Variants in PABPC4L observed in about 807,000 individuals in gnomAD.
PABPC4L encodes polyadenylate-binding protein 4-like.
For synonymous variants in PABPC4L, 169 were observed against 164.1 expected (o/e 1.03, Z -0.23); for missense variants, 452 against 451.4 (o/e 1.00, Z -0.01).
chr4:134,071,805 T>C, the PABPC4L span, among the ~76,000 whole-genome samples: 3 of 152,124 alleles, frequency 2.0e-5, no homozygotes, highest in African/African-American at 7.2e-5. Flanking sequence ...CTTGTAGAAA[T>C]TCTAAGCATT....
the PABPC4L span, among the ~76,000 whole-genome samples, chr4:133,965,318 G>C: frequency 6.6e-6 from 1 of 152,162 alleles, no homozygotes; most frequent in Middle Eastern, 3.4e-3. Context: ...AGAAATGAGA[G>C]ATGACACAAA....
the PABPC4L span, among the ~76,000 whole-genome samples, chr4:134,050,878 TTA>T: frequency 6.2e-5 from 4 of 64,554 alleles, no homozygotes; most frequent in Admixed American, 2.0e-4. Flanking sequence ...ATATTGACCT[TTA>T]TTTTTTTTTT....
the PABPC4L span, among the ~76,000 whole-genome samples, chr4:134,020,646 C>A: frequency 6.6e-6 from 1 of 151,978 alleles, no homozygotes; most frequent in Non-Finnish European, 1.5e-5. Context: ...TAAGTACTAG[C>A]CTACAACACC....
chr4:134,046,310 C>T, the PABPC4L span, among the ~76,000 whole-genome samples: 2 of 152,082 alleles, frequency 1.3e-5, no homozygotes, highest in Non-Finnish European at 2.9e-5. Flanking sequence ...TGGATGTGCA[C>T]GTAGGCCAGA....
the PABPC4L span, among the ~76,000 whole-genome samples, chr4:134,071,268 G>A: frequency 1.3e-5 from 2 of 151,898 alleles, no homozygotes; most frequent in Non-Finnish European, 2.9e-5. Context: ...CATCATCTGT[G>A]TCCTCCCTCT....
the PABPC4L span, among the ~76,000 whole-genome samples, chr4:134,133,664 C>T: frequency 8.8e-4 from 133 of 151,598 alleles, no homozygotes; most frequent in Non-Finnish European, 1.3e-3. Context: ...AAGAATGATA[C>T]AATGGACTTT....
At chr4:133,984,912 A>T in the PABPC4L span, among the ~76,000 whole-genome samples, 1 of 151,946 alleles carries the variant, frequency 6.6e-6, no homozygotes, top group Non-Finnish European at 1.5e-5. Context: ...TAGTAGTAGG[A>T]CTAACCCAGG....
the PABPC4L span, among the ~76,000 whole-genome samples, chr4:134,105,594 C>T: frequency 6.1e-4 from 93 of 151,594 alleles, no homozygotes; most frequent in Non-Finnish European, 1.2e-3. Flanking sequence ...AAATATTTAT[C>T]TAAGTTTTCT....
chr4:134,138,105 A>T, the PABPC4L span, among the ~76,000 whole-genome samples: 1 of 151,884 alleles, frequency 6.6e-6, no homozygotes, highest in South Asian at 2.1e-4. Flanking sequence ...GAAAATCTAC[A>T]TCTAAAACAG....
At chr4:133,995,669 CA>C in the PABPC4L span, among the ~76,000 whole-genome samples, 2 of 152,252 alleles carry the variant, frequency 1.3e-5, no homozygotes, top group Admixed American at 1.3e-4. Context: ...GACACTTGTG[CA>C]TAGGTTTGGG....
chr4:134,040,199 GA>G, the PABPC4L span, among the ~76,000 whole-genome samples: 1 of 116,320 alleles, frequency 8.6e-6, no homozygotes, highest in African/African-American at 3.2e-5. Context: ...TTTCATCACA[GA>G]ATTGGAAAAA....
chr4:134,135,037 G>A, the PABPC4L span, among the ~76,000 whole-genome samples: 2 of 151,976 alleles, frequency 1.3e-5, no homozygotes, highest in African/African-American at 2.4e-5. Context: ...GAGAACTAGC[G>A]AATTAATACA....
the PABPC4L span, among the ~76,000 whole-genome samples, chr4:134,113,595 G>T: frequency 6.6e-6 from 1 of 151,836 alleles, no homozygotes; most frequent in African/African-American, 2.4e-5. Context: ...GCCTAAAGTT[G>T]CATTTCTCAC....
At chr4:134,100,237 C>T in the PABPC4L span, among the ~76,000 whole-genome samples, 3 of 151,650 alleles carry the variant, frequency 2.0e-5, no homozygotes, top group South Asian at 4.2e-4. Flanking sequence ...TAATTGCAGT[C>T]GATCTCTGCC....
At chr4:134,157,654 G>T in the PABPC4L span, among the ~76,000 whole-genome samples, 320 of 151,372 alleles carry the variant, frequency 2.1e-3, 2 homozygotes, top group African/African-American at 7.5e-3. Context: ...AATCTACTTG[G>T]CATCAATTTT....
chr4:133,983,095 T>G, the PABPC4L span, among the ~76,000 whole-genome samples: 1 of 152,042 alleles, frequency 6.6e-6, no homozygotes, highest in African/African-American at 2.4e-5. Context: ...TGTCCAGACC[T>G]TTCAAAGAAA....
the PABPC4L span, among the ~76,000 whole-genome samples, chr4:134,135,517 T>G: frequency 1.3e-5 from 2 of 152,072 alleles, no homozygotes; most frequent in African/African-American, 4.8e-5. Context: ...CCACTAATTT[T>G]TGAAAAAAAT....
the PABPC4L span, among the ~76,000 whole-genome samples, chr4:134,032,562 T>C: frequency 2.0e-5 from 3 of 151,886 alleles, no homozygotes; most frequent in African/African-American, 4.8e-5. Context: ...TTCTAAAATA[T>C]GGTAATGTGA....
the PABPC4L span, among the ~76,000 whole-genome samples, chr4:134,129,698 G>A: frequency 7.9e-5 from 12 of 151,838 alleles, no homozygotes; most frequent in Non-Finnish European, 1.5e-4. Context: ...TGATAATAGT[G>A]ACAAAACCTA....
Sources: allele counts gnomAD v4.1 joint callset (sites outside exome capture counted in the v4.1 genomes callset), GRCh38; gene constraint gnomAD v4.1.1; transcripts MANE v1.5; gene names NCBI Gene and HGNC (gene_info 2026-07-23, HGNC 2026-07-21).